The following MEGF10 variants were observed in gnomAD, a reference collection of about 807,000 sequenced individuals.
MEGF10 encodes multiple EGF like domains 10.
In MEGF10, 86 loss-of-function variants were observed where a neutral mutation model predicts 147.5. That is an observed-to-expected ratio of 0.58 (90% CI 0.49 to 0.70). MEGF10 has a LOEUF of 0.70. Ranked by LOEUF, MEGF10 falls within the 30% of genes least tolerant of loss-of-function variation. The pLI is 0.00. For synonymous variants in MEGF10, 478 were observed against 525.5 expected, an observed-to-expected ratio of 0.91 and a Z score of 1.24; for missense variants, 1,329 against 1,487.3, an observed-to-expected ratio of 0.89 and a Z score of 1.75.
At chr5:127,316,285 G>A (rs1580703078) in intron 1 of MEGF10, among the ~76,000 whole-genome samples, 1 of 152,084 alleles carries the variant, frequency 6.6e-6, no homozygotes, top group East Asian at 1.9e-4. Flanking sequence ...TGAATACCAT[G>A]CCTGCAAGAA....
chr5:127,443,177 T>C (rs1046664048), intron 19 of MEGF10, 51 bp downstream of exon 19: 1 of 1,521,060 alleles, frequency 6.6e-7, no homozygotes, highest in South Asian at 1.3e-5. Context: ...GTGAACACCA[T>C]GTACCAGGCA....
chr5:127,254,227 C>T, the MEGF10 span, among the ~76,000 whole-genome samples: 1 of 152,052 alleles, frequency 6.6e-6, no homozygotes, highest in Admixed American at 6.6e-5. Flanking sequence ...TTAACCACTC[C>T]TCAAACCCCA....
At chr5:127,392,277 G>C (rs17164995) in intron 5 of MEGF10, among the ~76,000 whole-genome samples, 34,088 of 151,960 alleles carry the variant, frequency 0.22, 4,569 homozygotes, top group African/African-American at 0.38. Flanking sequence ...AGTTCGTGTT[G>C]ATAAACTTTT....
intron 1 of MEGF10, among the ~76,000 whole-genome samples, chr5:127,291,411 A>G (rs1759250910): frequency 6.6e-6 from 1 of 152,124 alleles, no homozygotes; most frequent in African/African-American, 2.4e-5. Flanking sequence ...GGGGAATCGG[A>G]CTGAGCTTGA....
chr5:127,313,621 A>G (rs564885985), intron 1 of MEGF10, among the ~76,000 whole-genome samples: 2 of 152,346 alleles, frequency 1.3e-5, no homozygotes, highest in African/African-American at 4.8e-5. Context: ...TTCACTTTTT[A>G]CTACCTTTAT....
At chr5:127,364,582 A>G (rs1018505626) in intron 4 of MEGF10, among the ~76,000 whole-genome samples, 1 of 152,248 alleles carries the variant, frequency 6.6e-6, no homozygotes, top group Non-Finnish European at 1.5e-5. Context: ...TTTTATAAGC[A>G]AACACAATAG....
intron 24 of MEGF10, among the ~76,000 whole-genome samples, chr5:127,456,658 A>G (rs1305786344): frequency 6.6e-6 from 1 of 152,222 alleles, no homozygotes; most frequent in Non-Finnish European, 1.5e-5. Context: ...GTCAGTAACA[A>G]TTCTCCTTTA....
chr5:127,430,457 A>G (rs1765355752), intron 13 of MEGF10, among the ~76,000 whole-genome samples: 1 of 152,232 alleles, frequency 6.6e-6, no homozygotes, highest in Non-Finnish European at 1.5e-5. Flanking sequence ...AAGTCACATC[A>G]GCAGTCATAT....
chr5:127,274,570 T>A, the MEGF10 span, among the ~76,000 whole-genome samples: 19 of 152,116 alleles, frequency 1.2e-4, no homozygotes, highest in African/African-American at 4.6e-4. Flanking sequence ...TATTATATTA[T>A]TTTAAATTTT....
chr5:127,363,231 C>T (rs1271408282), intron 4 of MEGF10, among the ~76,000 whole-genome samples: 1 of 152,124 alleles, frequency 6.6e-6, no homozygotes, highest in Non-Finnish European at 1.5e-5. Context: ...CCTGAAAGAT[C>T]GTTCAAAAGA....
the MEGF10 span, among the ~76,000 whole-genome samples, chr5:127,284,698 C>A: frequency 1.7e-5 from 1 of 58,254 alleles, no homozygotes; most frequent in Non-Finnish European, 5.0e-5. Flanking sequence ...AAATGATAAC[C>A]TTCTGCCATA....
chr5:127,391,098 G>GCACACACACA (rs1158697334), intron 5 of MEGF10, among the ~76,000 whole-genome samples: 88 of 29,770 alleles, frequency 3.0e-3, no homozygotes, highest in African/African-American at 5.6e-3. Context: ...GCGCGCGCGC[G>GCACACACACA]CGCGCACACA....
chr5:127,230,149 C>CA, the MEGF10 span, among the ~76,000 whole-genome samples: 1 of 151,866 alleles, frequency 6.6e-6, no homozygotes, highest in African/African-American at 2.4e-5. Flanking sequence ...CCATCGGCAG[C>CA]AAAAAAGCGT....
intron 5 of MEGF10, among the ~76,000 whole-genome samples, chr5:127,391,098 GCGCGCACACA>G (rs1228609295): frequency 2.4e-4 from 7 of 29,736 alleles, no homozygotes; most frequent in East Asian, 1.2e-3. Context: ...GCGCGCGCGC[GCGCGCACACA>G]CACACACACA....
chr5:127,258,657 G>T, the MEGF10 span, among the ~76,000 whole-genome samples: 1 of 152,110 alleles, frequency 6.6e-6, no homozygotes, highest in Non-Finnish European at 1.5e-5. Context: ...GCCTCTAATA[G>T]GTATTTAGGT....
chr5:127,417,909 G>C, intron 10 of MEGF10, 97 bp downstream of exon 10: 1 of 1,259,656 alleles, frequency 7.9e-7, no homozygotes, highest in East Asian at 2.5e-5. Flanking sequence ...TACAGTGAAT[G>C]TGCTAAAGTC....
chr5:127,247,700 G>A, the MEGF10 span, among the ~76,000 whole-genome samples: 1 of 151,974 alleles, frequency 6.6e-6, no homozygotes, highest in Non-Finnish European at 1.5e-5. Context: ...ATAACATGAG[G>A]CAAGCACCAC....
chr5:127,290,387 G>A (rs1219826890), upstream of MEGF10, among the ~76,000 whole-genome samples: 1 of 152,150 alleles, frequency 6.6e-6, no homozygotes, highest in African/African-American at 2.4e-5. Flanking sequence ...TTGGCCGCTC[G>A]GGCGCCGGCC....
In MEGF10 at chr5:127,291,071, A is replaced by C. The variant is rs1759231409; in HGVS notation, c.-19+15A>C. On this transcript the variant is annotated intron_variant, in intron 1 of 24. Transcript: ENST00000503335. ...TCTGGACCTGGGTAAGAGTTGGGCA[A>C]ACTCAACTCCGGCGGCTCCTGGACC... is the stretch of plus-strand genomic sequence containing the variant. 1 of 152,128 alleles carries C rather than the reference A, an allele frequency of 6.6e-6. No individual in the cohort carries two copies. Among genetic ancestry groups the C allele is most frequent in the South Asian group, 2.1e-4 (1 of 4,830 alleles). The allele number at this position is 152,128 out of a possible 1,614,324, so 9.4% of individuals were successfully genotyped here.
Sources: allele counts gnomAD v4.1 joint callset (sites outside exome capture counted in the v4.1 genomes callset), GRCh38; gene constraint gnomAD v4.1.1; transcripts MANE v1.5; gene names NCBI Gene and HGNC (gene_info 2026-07-23, HGNC 2026-07-21).